Variants in PTPRK observed in about 807,000 individuals in gnomAD.
The protein encoded by PTPRK is receptor-type tyrosine-protein phosphatase kappa.
A neutral mutation model predicts 178.0 loss-of-function variants in PTPRK; 75 were observed. The ratio of observed to expected loss-of-function variants is 0.42; its 90% CI spans 0.35 to 0.51. The LOEUF (loss-of-function observed/expected upper bound fraction) is 0.51, where lower values mean the gene tolerates loss of function less well. Among genes scored for constraint, PTPRK ranks in the 20% least tolerant of loss-of-function variants. The pLI is 0.02. For synonymous variants in PTPRK, 637 were observed against 620.6 expected, an observed-to-expected ratio of 1.03 and a Z score of -0.39; for missense variants, 1,441 against 1,797.8, an observed-to-expected ratio of 0.80 and a Z score of 3.59.
intron 21 of PTPRK, among the ~76,000 whole-genome samples, chr6:127,988,533 C>A (rs964457551): frequency 9.9e-5 from 15 of 151,368 alleles, no homozygotes; most frequent in Admixed American, 4.6e-4. Context: ...TAATAACAAT[C>A]ATCCTATTTT....
intron 7 of PTPRK, among the ~76,000 whole-genome samples, chr6:128,143,844 C>T (rs918625336): frequency 2.6e-5 from 4 of 152,306 alleles, no homozygotes; most frequent in South Asian, 4.1e-4. Flanking sequence ...CCTCTGCCTA[C>T]TCTGCACTTG....
intron 2 of PTPRK, among the ~76,000 whole-genome samples, chr6:128,323,749 A>G (rs867313182): frequency 1.3e-5 from 2 of 152,180 alleles, no homozygotes; most frequent in South Asian, 4.1e-4. Context: ...GAAGTACAGA[A>G]TAAACAGATC....
chr6:128,408,211 A>G (rs1321546964), intron 1 of PTPRK, among the ~76,000 whole-genome samples: 1 of 152,136 alleles, frequency 6.6e-6, no homozygotes, highest in Non-Finnish European at 1.5e-5. Context: ...AACATGGTGA[A>G]ACCCCATCTC....
At chr6:128,443,030 TTAAAA>T (rs1318171455) in intron 1 of PTPRK, among the ~76,000 whole-genome samples, 3 of 152,092 alleles carry the variant, frequency 2.0e-5, no homozygotes, top group Non-Finnish European at 4.4e-5. Flanking sequence ...GGTTACCATC[TTAAAA>T]TAAAGCTGAC....
Position 128,043,754 on chromosome 6 carries a change from GTAAC to G in PTPRK, c.2194+21000_2194+21003del, listed in dbSNP as rs753167472. 5.3e-5 allele frequency among the ~76,000 whole-genome samples: 8 copies of G among 151,906 alleles called. No individual in the cohort carries two copies. The South Asian group carries it at 1.0e-3, about 20-fold the overall frequency. ...AATGTTATTACACACTATCATCTCAGTAACTAACATTGCAATTTCAAGTTATACA... is the reference window on the plus strand; with the variant it reads ...AATGTTATTACACACTATCATCTCAGTAACATTGCAATTTCAAGTTATACA... On this transcript the variant is annotated intron_variant, in intron 13 of 29. Coordinates refer to ENST00000368226, the MANE Select transcript of PTPRK (RefSeq NM_002844.4).
At position 128,001,166 on chromosome 6, in the gene PTPRK, GT is replaced by G. The variant is rs1777790359; in HGVS notation, c.2495-2263del. 5 of 1,493,926 alleles carry G rather than the reference GT, an allele frequency of 3.3e-6. No individual in the cohort carries two copies. The East Asian group carries it at 1.2e-4, about 37-fold the overall frequency. 92.5% of individuals were successfully genotyped at this position (1,493,926 alleles called of 1,614,324 possible). A position where few individuals can be genotyped will look rare whatever the true frequency, so the allele number is the denominator to read the frequency against. Reference sequence around the variant, plus strand: ...CTTGAAATATATCCTTGATTGAAAGGTTTTCTAGAGTTCTTTGCAATACACT... The same window carrying G: ...CTTGAAATATATCCTTGATTGAAAGGTTTCTAGAGTTCTTTGCAATACACT... On this transcript the variant is annotated intron_variant, in intron 15 of 29. Transcript: ENST00000368226.
chr6:128,464,632 T>TACACACAC (rs1562576078), intron 1 of PTPRK, among the ~76,000 whole-genome samples: 26 of 53,682 alleles, frequency 4.8e-4, no homozygotes, highest in African/African-American at 3.2e-3. Context: ...TATATATATA[T>TACACACAC]ATACACATAT....
At chr6:127,986,669 T>C (rs1429290666) in intron 21 of PTPRK, among the ~76,000 whole-genome samples, 1 of 152,148 alleles carries the variant, frequency 6.6e-6, no homozygotes, top group African/African-American at 2.4e-5. Flanking sequence ...AACTCACATT[T>C]GTAGCAAAAG....
intron 1 of PTPRK, among the ~76,000 whole-genome samples, chr6:128,478,574 C>T (rs1851659274): frequency 6.6e-6 from 1 of 152,086 alleles, no homozygotes; most frequent in African/African-American, 2.4e-5. Context: ...TGATACTCTG[C>T]CACTCTCGGA....
chr6:128,396,513 T>C (rs1016240475), intron 2 of PTPRK, among the ~76,000 whole-genome samples: 2 of 152,018 alleles, frequency 1.3e-5, no homozygotes, highest in Non-Finnish European at 2.9e-5. Context: ...GAACTTGGAA[T>C]TTGCTCCAGA....
At chr6:128,249,161 G>C (rs576895022) in intron 3 of PTPRK, among the ~76,000 whole-genome samples, 67 of 152,154 alleles carry the variant, frequency 4.4e-4, no homozygotes, top group African/African-American at 1.5e-3. Flanking sequence ...AAATTGAAAG[G>C]AGTTGAAATA....
chr6:128,473,050 A>G (rs1850907728), intron 1 of PTPRK, among the ~76,000 whole-genome samples: 1 of 152,068 alleles, frequency 6.6e-6, no homozygotes, highest in Non-Finnish European at 1.5e-5. Context: ...TTTCTCCATA[A>G]TGTCCTTTTT....
intron 11 of PTPRK, among the ~76,000 whole-genome samples, chr6:128,077,102 T>C (rs1425881347): frequency 6.6e-6 from 1 of 152,008 alleles, no homozygotes; most frequent in Non-Finnish European, 1.5e-5. Flanking sequence ...ATCTAACTCT[T>C]AAAAGATAAA....
chr6:128,282,511 T>C lies in PTPRK; in HGVS notation c.495+39528A>G, dbSNP rs550271973. On this transcript the variant is annotated intron_variant, in intron 3 of 29. Transcript: ENST00000368226. ...CAAGCTATCCAACAGAGGTTTAATG[T>C]GCAAATCTGGAATAATTCTTTAAAC... 1.3e-4 allele frequency among the ~76,000 whole-genome samples: 20 copies of C among 152,312 alleles called. No individual in the cohort carries two copies. The South Asian group carries it at 4.1e-3, about 32-fold the overall frequency.
chr6:128,015,926 AT>A lies in PTPRK; in HGVS notation c.2195-6659del, dbSNP rs922359290. The stretch of plus-strand genomic sequence containing the variant: ...CCACTTTGTATTATCAGCCTTCTTG[AT>A]TTTTGTCACTTCAGTAGTAGAAAAT... On this transcript the variant is annotated intron_variant, in intron 13 of 29. Coordinates refer to ENST00000368226, the MANE Select transcript of PTPRK (RefSeq NM_002844.4). Among the ~76,000 whole-genome samples the A allele has an allele frequency of 2.6e-5, 4 of 151,884 alleles. No homozygotes were observed. The East Asian group carries it at 7.7e-4, about 29-fold the overall frequency.
intron 27 of PTPRK, among the ~76,000 whole-genome samples, chr6:127,975,829 T>C (rs540164266): frequency 6.6e-6 from 1 of 151,954 alleles, no homozygotes; most frequent in Non-Finnish European, 1.5e-5. Context: ...GCCACCACCA[T>C]GTCCAGCTAA....
intron 2 of PTPRK, among the ~76,000 whole-genome samples, chr6:128,352,253 C>CAATA (rs1833269868): frequency 1.1e-5 from 1 of 94,986 alleles, no homozygotes; most frequent in African/African-American, 4.2e-5. Context: ...GACTTCATCT[C>CAATA]AAAAAAAAAA....
intron 1 of PTPRK, among the ~76,000 whole-genome samples, chr6:128,470,259 C>CATATATATATATATAT (rs34303350): frequency 2.0e-5 from 3 of 147,812 alleles, no homozygotes; most frequent in African/African-American, 7.5e-5. Context: ...TCTCAGTTTT[C>CATATATATATATATAT]ATATATATAT....
chr6:127,991,261 T>G, intron 20 of PTPRK, 33 bp downstream of exon 20: 1 of 1,518,834 alleles, frequency 6.6e-7, no homozygotes, highest in Non-Finnish European at 9.0e-7. Context: ...ATGTTCATTT[T>G]TATGACAAAA....
Sources: gnomAD v4.1 joint callset for allele counts (sites outside exome capture counted in the v4.1 genomes callset) on GRCh38, gnomAD v4.1.1 for gene constraint, MANE v1.5 for transcripts, NCBI Gene and HGNC (gene_info 2026-07-23, HGNC 2026-07-21) for gene names.